Variants in GRID2 observed in about 807,000 individuals in gnomAD.
GRID2 encodes glutamate receptor ionotropic, delta-2.
GRID2 carries 33 observed loss-of-function variants against 114.8 expected under a neutral mutation model. The observed-to-expected ratio is 0.29, with a 90% CI of 0.22 to 0.38. GRID2 has a LOEUF of 0.38. Ranked by LOEUF, GRID2 falls within the 10% of genes least tolerant of loss-of-function variation. The pLI is 1.00. For synonymous variants in GRID2, 505 were observed against 449.9 expected, an observed-to-expected ratio of 1.12 and a Z score of -1.55; for missense variants, 1,184 against 1,257.7, an observed-to-expected ratio of 0.94 and a Z score of 0.89.
chr4:92,922,995 T>C (rs1023072062), intron 2 of GRID2, among the ~76,000 whole-genome samples: 4 of 152,210 alleles, frequency 2.6e-5, no homozygotes, highest in African/African-American at 9.6e-5. Context: ...TTTGTGAAAA[T>C]ACCATTAAAC....
At chr4:92,346,589 A>G (rs749179611) in intron 1 of GRID2, among the ~76,000 whole-genome samples, 2 of 152,096 alleles carry the variant, frequency 1.3e-5, no homozygotes, top group African/African-American at 2.4e-5. Flanking sequence ...CTGGTCTGGT[A>G]CTTGAACTCA....
At chr4:92,533,413 T>C (rs1725449704) in intron 1 of GRID2, among the ~76,000 whole-genome samples, 1 of 151,904 alleles carries the variant, frequency 6.6e-6, no homozygotes, top group Admixed American at 6.6e-5. Flanking sequence ...AAAAGAGATA[T>C]TGTGAAAAAT....
At chr4:93,680,879 A>G (rs533172578) in intron 14 of GRID2, among the ~76,000 whole-genome samples, 2 of 151,974 alleles carry the variant, frequency 1.3e-5, no homozygotes, top group South Asian at 4.1e-4. Context: ...CAAGACAGGG[A>G]TGCCCTCTCT....
intron 2 of GRID2, among the ~76,000 whole-genome samples, chr4:92,633,194 A>G (rs1462845940): frequency 6.6e-6 from 1 of 152,116 alleles, no homozygotes; most frequent in Non-Finnish European, 1.5e-5. Context: ...TCAATTTTTC[A>G]TTGTATTTTT....
chr4:92,611,319 G>T (rs1366681554), intron 2 of GRID2, among the ~76,000 whole-genome samples: 3 of 151,670 alleles, frequency 2.0e-5, no homozygotes, highest in East Asian at 3.9e-4. Context: ...TTAGGTTTCA[G>T]AGGGCCACCC....
intron 2 of GRID2, among the ~76,000 whole-genome samples, chr4:92,958,242 C>G (rs976755999): frequency 6.6e-6 from 1 of 151,954 alleles, no homozygotes; most frequent in Non-Finnish European, 1.5e-5. Context: ...AGAAAGCTTC[C>G]AGTTTTCCAC....
intron 3 of GRID2, among the ~76,000 whole-genome samples, chr4:93,101,151 A>T (rs1731667191): frequency 6.6e-6 from 1 of 152,116 alleles, no homozygotes; most frequent in Admixed American, 6.6e-5. Context: ...TTTAACATTG[A>T]TACATATGAC....
chr4:92,439,482 G>A (rs1040833144), intron 1 of GRID2, among the ~76,000 whole-genome samples: 5 of 151,966 alleles, frequency 3.3e-5, no homozygotes, highest in Admixed American at 2.0e-4. Context: ...TTTTTAGGGG[G>A]TGGTATGGAG....
chr4:93,184,909 A>T (rs935875902), intron 4 of GRID2, among the ~76,000 whole-genome samples: 3 of 152,010 alleles, frequency 2.0e-5, no homozygotes, highest in African/African-American at 4.8e-5. Flanking sequence ...CAAAATAACA[A>T]TATCCACTCT....
intron 2 of GRID2, among the ~76,000 whole-genome samples, chr4:92,882,001 T>G (rs986514691): frequency 6.6e-6 from 1 of 152,322 alleles, no homozygotes; most frequent in Non-Finnish European, 1.5e-5. Flanking sequence ...GGTAATATTC[T>G]TAGGACACAT....
rs192173632 is a variant in GRID2 at position 93,196,925 on chromosome 4, G to C, written c.736-10479G>C. ...TATACATGTGTATGTGACTGTATGT[G>C]TGTGTGTACATGAAATGTTTAATCA... On this transcript the variant is annotated intron_variant, in intron 4 of 15. Transcript: ENST00000282020. Among the ~76,000 whole-genome samples the C allele has an allele frequency of 2.6e-5, 4 of 152,272 alleles. No homozygotes were observed. The East Asian group carries it at 7.7e-4, about 29-fold the overall frequency.
At chr4:92,903,334 T>TA (rs1175891015) in intron 2 of GRID2, among the ~76,000 whole-genome samples, 1 of 151,982 alleles carries the variant, frequency 6.6e-6, no homozygotes, top group Non-Finnish European at 1.5e-5. Context: ...TAGGTTTTTA[T>TA]AAAATTGCAA....
At chr4:93,044,682 AACT>A (rs1725956675) in intron 2 of GRID2, among the ~76,000 whole-genome samples, 1 of 152,188 alleles carries the variant, frequency 6.6e-6, no homozygotes, top group Non-Finnish European at 1.5e-5. Context: ...TTCTGAGAGT[AACT>A]TGAAAGTTTT....
chr4:92,722,197 A>G (rs960343778), intron 2 of GRID2, among the ~76,000 whole-genome samples: 1 of 152,168 alleles, frequency 6.6e-6, no homozygotes, highest in African/African-American at 2.4e-5. Context: ...TGAAGAAGGC[A>G]TCTCTGGATT....
rs536553137 is a variant in GRID2, at chr4:93,337,626, T to A, written c.1246-57981T>A. Among the ~76,000 whole-genome samples, 152 of 152,258 alleles carry A rather than the reference T, an allele frequency of 1.0e-3. 1 individual carries two copies. Among genetic ancestry groups the A allele is most frequent in the Non-Finnish European group, 1.4e-3 (97 of 68,012 alleles). On this transcript the variant is annotated intron_variant, in intron 8 of 15. Coordinates refer to ENST00000282020, the MANE Select transcript of GRID2 (RefSeq NM_001510.4). ...GGCATTATCTCTATCTTCCAAGATCTTCTCTATATAAGCATCCTTGAAAAG... is the reference window on the plus strand; with the variant it reads ...GGCATTATCTCTATCTTCCAAGATCATCTCTATATAAGCATCCTTGAAAAG...
In GRID2 at chr4:92,955,382, T is replaced by G. The variant is rs956808307; in HGVS notation, c.245-129613T>G. ...TGATGGCCAGTGATGATGAGCATTTTTTCATGTGTCTGTTGGCTGCATAAA... is the reference window on the plus strand; with the variant it reads ...TGATGGCCAGTGATGATGAGCATTTGTTCATGTGTCTGTTGGCTGCATAAA... On this transcript the variant is annotated intron_variant, in intron 2 of 15. Transcript: ENST00000282020. 1.3e-4 allele frequency among the ~76,000 whole-genome samples: 20 copies of G among 152,354 alleles called. No individual in the cohort carries two copies. The South Asian group carries it at 3.9e-3, about 30-fold the overall frequency.
At chr4:93,077,235 G>A (rs1351182329) in intron 2 of GRID2, among the ~76,000 whole-genome samples, 5 of 152,148 alleles carry the variant, frequency 3.3e-5, no homozygotes. Flanking sequence ...TTGAGATGGA[G>A]GAGCATGGGA....
At position 92,983,449 on chromosome 4, in the gene GRID2, C is replaced by T. The variant is rs548503287; in HGVS notation, c.245-101546C>T. Among the ~76,000 whole-genome samples, 8 of 152,124 alleles carry T rather than the reference C, an allele frequency of 5.3e-5. No homozygotes were observed. In the South Asian group the frequency reaches 1.7e-3, roughly 32 times the overall value. On this transcript the variant is annotated intron_variant, in intron 2 of 15. Coordinates refer to ENST00000282020, the MANE Select transcript of GRID2 (RefSeq NM_001510.4). ...CTTAATGTCATCACATTAGCAATAC[C>T]TGAATTTTGGTGAGGACATATTCAA...
chr4:93,551,493 G>A (rs1733749276), intron 13 of GRID2, among the ~76,000 whole-genome samples: 1 of 151,914 alleles, frequency 6.6e-6, no homozygotes, highest in Non-Finnish European at 1.5e-5. Context: ...GGGAAAGCAA[G>A]CCATCCAGTG....
Sources: gnomAD v4.1 joint callset for allele counts (sites outside exome capture counted in the v4.1 genomes callset) on GRCh38, gnomAD v4.1.1 for gene constraint, MANE v1.5 for transcripts, NCBI Gene and HGNC (gene_info 2026-07-23, HGNC 2026-07-21) for gene names.